The following ST7L variants were observed in gnomAD, a reference collection of about 807,000 sequenced individuals.
ST7L encodes suppressor of tumorigenicity 7 protein-like.
In ST7L, 57 loss-of-function variants were observed where a neutral mutation model predicts 72.5. That is an observed-to-expected ratio of 0.79 (90% CI 0.64 to 0.98). The LOEUF is 0.98. Among genes scored for constraint, ST7L ranks in the 50% least tolerant of loss-of-function variants. The probability of loss-of-function intolerance (pLI) is 0.00; values close to 1 mark genes in which losing one functional copy is unlikely to be tolerated. For synonymous variants in ST7L, 221 were observed against 240.9 expected (o/e 0.92, Z 0.77); for missense variants, 576 against 672.2 (o/e 0.86, Z 1.58).
At position 112,600,819 on chromosome 1, in the gene ST7L, G is replaced by T. The variant is rs144855145; in HGVS notation, c.481C>A (p.Leu161Ile). Residue 161 changes from leucine (L) to isoleucine (I), a missense_variant, in exon 4 of 15, where the codon CTT becomes ATT. Physicochemically the swap from Leu to Ile is conservative, Grantham distance 5. Coordinates refer to ENST00000358039, the MANE Select transcript of ST7L (RefSeq NM_017744.5). ...ECKVWRNPLN[L>I]FRGAEYRRYT... Reference sequence around the variant, plus strand: ...CTCCTATATTCTGCTCCTCTGAAAAGATTTAGAGGGTTTCTCCATACCTTA... The same window carrying T: ...CTCCTATATTCTGCTCCTCTGAAAATATTTAGAGGGTTTCTCCATACCTTA... The T allele has an allele frequency of 1.2e-6, 2 of 1,610,632 alleles. No individual in the cohort carries two copies. Among genetic ancestry groups the T allele is most frequent in the African/African-American group, 2.7e-5 (2 of 74,836 alleles).
intron 5 of ST7L, among the ~76,000 whole-genome samples, chr1:112,597,608 T>C (rs1267176758): frequency 2.0e-5 from 3 of 152,266 alleles, no homozygotes; most frequent in East Asian, 1.9e-4. Flanking sequence ...TCCAGTTTTC[T>C]GTACATGCCA....
chr1:112,536,199 T>C (rs749736025), intron 14 of ST7L, among the ~76,000 whole-genome samples: 33 of 152,156 alleles, frequency 2.2e-4, no homozygotes, highest in Non-Finnish European at 3.5e-4. Context: ...ACTAAAAAAG[T>C]CTCATAGCTT....
rs754683492 is a variant in ST7L, at chr1:112,526,104, C to T, written c.1637G>A (p.Gly546Glu). The T allele has an allele frequency of 1.9e-6, 3 of 1,614,100 alleles. No individual in the cohort carries two copies. Among genetic ancestry groups the T allele is most frequent in the Non-Finnish European group, 2.5e-6 (3 of 1,180,008 alleles). The change falls in exon 15 of 15, where the codon GGA becomes GAA. Residue 546 changes from glycine (G) to glutamate (E), a missense_variant. Coordinates refer to ENST00000358039, the MANE Select transcript of ST7L (RefSeq NM_017744.5). Reference sequence around the variant, plus strand: ...TGCCCAGGGTTGGGGGCACCAGAGTCCCAGCACCTTCAAAACAGAAATTGA... The same window carrying T: ...TGCCCAGGGTTGGGGGCACCAGAGTTCCAGCACCTTCAAAACAGAAATTGA... ...IMGIFAKAVL[G>E]LWCPQPWASS...
chr1:112,560,678 T>C (rs576249498), intron 11 of ST7L, among the ~76,000 whole-genome samples: 5 of 152,078 alleles, frequency 3.3e-5, no homozygotes, highest in South Asian at 4.2e-4. Flanking sequence ...AAAATACTTA[T>C]TGGCCAGGCG....
chr1:112,560,713 G>C (rs1205041516), intron 11 of ST7L, among the ~76,000 whole-genome samples: 1 of 152,098 alleles, frequency 6.6e-6, no homozygotes, highest in Non-Finnish European at 1.5e-5. Context: ...TGTAATCCCA[G>C]CACTTTGGGA....
intron 14 of ST7L, among the ~76,000 whole-genome samples, chr1:112,541,179 G>C (rs1656032692): frequency 6.6e-6 from 1 of 152,080 alleles, no homozygotes; most frequent in African/African-American, 2.4e-5. Context: ...CAGCTACTCG[G>C]GGGGCTGAGG....
In ST7L at chr1:112,565,567, T is replaced by C. The variant is rs553086717; in HGVS notation, c.1246-9549A>G. Among the ~76,000 whole-genome samples, 72 of 152,364 alleles carry C rather than the reference T, an allele frequency of 4.7e-4. 1 individual carries two copies. The highest frequency in any genetic ancestry group is 1.4e-3 in the African/African-American group (58 of 41,598). On this transcript the variant is annotated intron_variant, in intron 11 of 14. Transcript: ENST00000358039. The stretch of plus-strand genomic sequence containing the variant: ...ATTCAAATTAGTTATTACCTAACTA[T>C]TATTACGTTATTAGCTAATTCAAAT...
intron 5 of ST7L, among the ~76,000 whole-genome samples, chr1:112,593,275 A>G (rs1463731145): frequency 2.6e-5 from 4 of 152,182 alleles, no homozygotes; most frequent in Admixed American, 2.0e-4. Flanking sequence ...TTGATGGGGG[A>G]AAAATGTATA....
At chr1:112,609,952 A>T (rs1668825626) in intron 3 of ST7L, among the ~76,000 whole-genome samples, 2 of 151,896 alleles carry the variant, frequency 1.3e-5, no homozygotes, top group African/African-American at 2.4e-5. Context: ...ACTGAAAAAA[A>T]TTTTTTTTCC....
chr1:112,591,442 T>C, intron 6 of ST7L, 83 bp downstream of exon 6: 1 of 1,179,440 alleles, frequency 8.5e-7, no homozygotes, highest in Non-Finnish European at 1.2e-6. Context: ...CCAAGTGTCT[T>C]AGGAACAGAC....
At chr1:112,572,261 T>G (rs1175026114) in intron 11 of ST7L, among the ~76,000 whole-genome samples, 2 of 152,202 alleles carry the variant, frequency 1.3e-5, no homozygotes, top group Non-Finnish European at 1.5e-5. Flanking sequence ...TTAAAGACCC[T>G]AGGATTTTTG....
chr1:112,570,429 G>T, intron 11 of ST7L, among the ~76,000 whole-genome samples: 1 of 151,936 alleles, frequency 6.6e-6, no homozygotes, highest in East Asian at 1.9e-4. Flanking sequence ...CATTTCTGTT[G>T]TAGTTATGTG....
intron 4 of ST7L, among the ~76,000 whole-genome samples, chr1:112,600,435 TAAAAA>T (rs566455639): frequency 3.4e-5 from 5 of 147,418 alleles, no homozygotes; most frequent in Non-Finnish European, 7.5e-5. Context: ...GGCTTTCACT[TAAAAA>T]AAAAAATTAG....
intron 14 of ST7L, chr1:112,528,058 T>A (rs554278009): frequency 2.0e-4 from 30 of 152,238 alleles, no homozygotes; most frequent in African/African-American, 7.0e-4. Flanking sequence ...ATGAAACAGT[T>A]TAATGGACTA....
intron 5 of ST7L, among the ~76,000 whole-genome samples, chr1:112,597,514 C>G (rs1666658687): frequency 6.6e-6 from 1 of 152,194 alleles, no homozygotes; most frequent in African/African-American, 2.4e-5. Context: ...TAGATAAGCA[C>G]TTAGAGAAAA....
intron 3 of ST7L, among the ~76,000 whole-genome samples, chr1:112,606,564 C>G (rs1668276155): frequency 6.6e-6 from 1 of 152,210 alleles, no homozygotes; most frequent in Non-Finnish European, 1.5e-5. Context: ...ACTCATTACC[C>G]AGCTCCAAAG....
chr1:112,608,896 A>G (rs1186933370), intron 3 of ST7L, among the ~76,000 whole-genome samples: 1 of 152,168 alleles, frequency 6.6e-6, no homozygotes, highest in Non-Finnish European at 1.5e-5. Flanking sequence ...CTCAGGCAGT[A>G]TTTTTCTACT....
chr1:112,564,070 C>T (rs1293242123), intron 11 of ST7L, among the ~76,000 whole-genome samples: 1 of 152,032 alleles, frequency 6.6e-6, no homozygotes, highest in Non-Finnish European at 1.5e-5. Context: ...ACAGGCAGGG[C>T]GAATGCAGAG....
chr1:112,584,404 T>C (rs1002918746), intron 6 of ST7L, among the ~76,000 whole-genome samples: 2 of 151,866 alleles, frequency 1.3e-5, no homozygotes, highest in Admixed American at 1.3e-4. Context: ...CTCTGACCCA[T>C]TGTCCTGTGT....
Sources: allele counts gnomAD v4.1 joint callset (sites outside exome capture counted in the v4.1 genomes callset), GRCh38; gene constraint gnomAD v4.1.1; transcripts MANE v1.5; gene names NCBI Gene and HGNC (gene_info 2026-07-23, HGNC 2026-07-21).